Variants in KLHL32 observed in about 807,000 individuals in gnomAD.
The protein encoded by KLHL32 is kelch like family member 32, also known as kelch-like protein 32.
In KLHL32, 35 loss-of-function variants were observed where a neutral mutation model predicts 64.8. The observed-to-expected ratio is 0.54, with a 90% CI of 0.41 to 0.72. KLHL32 has a LOEUF of 0.72. Ranked by LOEUF, KLHL32 falls within the 30% of genes least tolerant of loss-of-function variation. The pLI is 0.00. For missense variants in KLHL32, 589 were observed against 768.5 expected (o/e 0.77, Z 2.76); for synonymous variants, 259 against 281.0 (o/e 0.92, Z 0.78).
chr6:96,903,648 C>A, the KLHL32 span, among the ~76,000 whole-genome samples: 2 of 152,146 alleles, frequency 1.3e-5, no homozygotes, highest in Non-Finnish European at 2.9e-5. Flanking sequence ...TTAATTTTGC[C>A]AATGACCAAG....
chr6:97,119,366 T>C (rs1412828121), intron 7 of KLHL32, among the ~76,000 whole-genome samples: 1 of 152,054 alleles, frequency 6.6e-6, no homozygotes, highest in Admixed American at 6.5e-5. Flanking sequence ...TCAGAGCAAA[T>C]CTAAGTGAGA....
chr6:96,942,068 C>G (rs1185850795), intron 1 of KLHL32, among the ~76,000 whole-genome samples: 1 of 152,162 alleles, frequency 6.6e-6, no homozygotes, highest in East Asian at 1.9e-4. Flanking sequence ...AACCTCTGTT[C>G]TTAACTATCT....
intron 6 of KLHL32, among the ~76,000 whole-genome samples, chr6:97,103,655 T>C (rs2128199944): frequency 6.6e-6 from 1 of 152,384 alleles, no homozygotes; most frequent in East Asian, 1.9e-4. Context: ...AAGTTGTTCC[T>C]AGGGAGAGTG....
chr6:97,034,846 G>C (rs1207164385), intron 3 of KLHL32, among the ~76,000 whole-genome samples: 2 of 151,842 alleles, frequency 1.3e-5, no homozygotes, highest in African/African-American at 4.8e-5. Context: ...TGTTAATTTT[G>C]CACCAAAAAA....
rs142875612 is a variant in KLHL32 at position 96,939,849 on chromosome 6, A to T, written c.-66+14823A>T. On this transcript the variant is annotated intron_variant, in intron 1 of 10. Transcript: ENST00000369261. ...ACAGGGGAACAGTAATCAGAATAGG[A>T]GGGCACTGGAGTCCATTGATCTGGT... Among the ~76,000 whole-genome samples, 172 of 152,182 alleles carry T rather than the reference A, an allele frequency of 1.1e-3. 1 individual carries two copies. Among genetic ancestry groups the T allele is most frequent in the African/African-American group, 3.9e-3 (160 of 41,490 alleles).
chr6:97,010,477 G>T (rs2128091369), intron 3 of KLHL32, among the ~76,000 whole-genome samples: 1 of 152,232 alleles, frequency 6.6e-6, no homozygotes, highest in East Asian at 1.9e-4. Flanking sequence ...TATTACAAAA[G>T]TTTATAAATT....
At chr6:97,092,886 A>G (rs1230726830) in intron 6 of KLHL32, among the ~76,000 whole-genome samples, 1 of 152,230 alleles carries the variant, frequency 6.6e-6, no homozygotes, top group Non-Finnish European at 1.5e-5. Context: ...TGTGAGGGGC[A>G]GTGATTATCA....
At chr6:96,904,941 A>T in the KLHL32 span, among the ~76,000 whole-genome samples, 1 of 152,166 alleles carries the variant, frequency 6.6e-6, no homozygotes, top group African/African-American at 2.4e-5. Context: ...ATTTATAACA[A>T]TTCCCTGTCT....
At position 97,022,209 on chromosome 6, in the gene KLHL32, CAG is replaced by C. The variant is rs953642430; in HGVS notation, c.205-19280_205-19279del. Among the ~76,000 whole-genome samples, 74 of 151,024 alleles carry C rather than the reference CAG, an allele frequency of 4.9e-4. 7 individuals are homozygous for C. The highest frequency in any genetic ancestry group is 1.8e-3 in the African/African-American group (71 of 40,338). On this transcript the variant is annotated intron_variant, in intron 3 of 10. Coordinates refer to ENST00000369261, the MANE Select transcript of KLHL32 (RefSeq NM_052904.4). ...TTCTACTCTTATGCAGAATAACAGC[CAG>C]AGTCTTTAAGGGTACATGATTCTAC... is the stretch of plus-strand genomic sequence containing the variant.
intron 3 of KLHL32, among the ~76,000 whole-genome samples, chr6:97,030,117 G>A (rs1783318683): frequency 6.6e-6 from 1 of 152,176 alleles, no homozygotes; most frequent in South Asian, 2.1e-4. Context: ...TAAAATGGGA[G>A]TCGCAGTGGT....
chr6:97,081,424 C>T (rs1792501829), intron 5 of KLHL32, among the ~76,000 whole-genome samples: 1 of 152,098 alleles, frequency 6.6e-6, no homozygotes, highest in Non-Finnish European at 1.5e-5. Context: ...ATATGAAAGC[C>T]GTTTGCTCTC....
In KLHL32 at chr6:97,062,489, C is replaced by T. The variant is rs575834120; in HGVS notation, c.313-2139C>T. 3 of 152,312 alleles carry T rather than the reference C, an allele frequency of 2.0e-5. No individual in the cohort carries two copies. The South Asian group carries it at 6.2e-4, about 32-fold the overall frequency. The allele number at this position is 152,312 out of a possible 1,614,324, so 9.4% of individuals were successfully genotyped here. Reference sequence around the variant, plus strand: ...TGGAAAAGGAGATATAAAGATTTTTCAGAATAAGATGAGTGTTGGTATTTT... The same window carrying T: ...TGGAAAAGGAGATATAAAGATTTTTTAGAATAAGATGAGTGTTGGTATTTT... On this transcript the variant is annotated intron_variant, in intron 4 of 10. Coordinates refer to ENST00000369261, the MANE Select transcript of KLHL32 (RefSeq NM_052904.4).
chr6:97,076,818 G>T (rs371568812), intron 5 of KLHL32, among the ~76,000 whole-genome samples: 2 of 151,864 alleles, frequency 1.3e-5, no homozygotes, highest in African/African-American at 4.8e-5. Flanking sequence ...TTCTAGGCAC[G>T]TACCTTTATT....
intron 3 of KLHL32, among the ~76,000 whole-genome samples, chr6:97,016,512 G>C (rs919582643): frequency 6.6e-6 from 1 of 152,214 alleles, no homozygotes; most frequent in African/African-American, 2.4e-5. Flanking sequence ...TTTACCCAAT[G>C]CTTGTACACC....
the KLHL32 span, among the ~76,000 whole-genome samples, chr6:96,906,389 T>C: frequency 3.3e-5 from 5 of 152,148 alleles, no homozygotes; most frequent in African/African-American, 9.7e-5. Flanking sequence ...GAATGGGATA[T>C]AGCTATTATA....
chr6:97,041,393 A>C (rs1785093176), intron 3 of KLHL32, 99 bp from the exon 4 acceptor site: 1 of 727,424 alleles, frequency 1.4e-6, no homozygotes, highest in South Asian at 1.7e-5. Context: ...TCAATTATTA[A>C]TTTGTAAAAC....
At chr6:96,926,163 C>A (rs992897136) in intron 1 of KLHL32, among the ~76,000 whole-genome samples, 7 of 152,104 alleles carry the variant, frequency 4.6e-5, no homozygotes, top group Non-Finnish European at 1.0e-4. Context: ...AAACAAATGG[C>A]CCAGTAAAGA....
intron 1 of KLHL32, among the ~76,000 whole-genome samples, chr6:96,939,024 G>A (rs1706309493): frequency 6.6e-6 from 1 of 152,112 alleles, no homozygotes. Flanking sequence ...AATGTAGGCA[G>A]TCTTTTTTGA....
chr6:97,040,517 T>C (rs1402323316), intron 3 of KLHL32, among the ~76,000 whole-genome samples: 1 of 152,120 alleles, frequency 6.6e-6, no homozygotes, highest in Non-Finnish European at 1.5e-5. Context: ...ACAGCACAGA[T>C]TGCTGGGCCC....
Sources: gnomAD v4.1 joint callset for allele counts (sites outside exome capture counted in the v4.1 genomes callset) on GRCh38, gnomAD v4.1.1 for gene constraint, MANE v1.5 for transcripts, NCBI Gene and HGNC (gene_info 2026-07-23, HGNC 2026-07-21) for gene names.